The following ANKS1B variants were observed in gnomAD, a reference collection of about 807,000 sequenced individuals.
The protein encoded by ANKS1B is ankyrin repeat and sterile alpha motif domain-containing protein 1B.
ANKS1B carries 36 observed loss-of-function variants against 148.3 expected under a neutral mutation model. The ratio of observed to expected loss-of-function variants is 0.24; its 90% confidence interval spans 0.19 to 0.32. The LOEUF (loss-of-function observed/expected upper bound fraction) is 0.32. Among genes scored for constraint, ANKS1B ranks in the 10% least tolerant of loss-of-function variants. The probability of loss-of-function intolerance (pLI) is 1.00; values close to 1 mark genes in which losing one functional copy is unlikely to be tolerated. For missense variants in ANKS1B, 1,157 were observed against 1,542.6 expected, an observed-to-expected ratio of 0.75 and a Z score of 4.19; for synonymous variants, 542 against 560.8, an observed-to-expected ratio of 0.97 and a Z score of 0.47.
chr12:98,977,913 A>G (rs968660986), intron 17 of ANKS1B, among the ~76,000 whole-genome samples: 9 of 152,186 alleles, frequency 5.9e-5, no homozygotes, highest in African/African-American at 2.2e-4. Context: ...TATTCAATAT[A>G]CAGTTGTAAT....
chr12:99,258,439 A>G (rs906311498), intron 12 of ANKS1B, among the ~76,000 whole-genome samples: 1 of 151,942 alleles, frequency 6.6e-6, no homozygotes, highest in Non-Finnish European at 1.5e-5. Flanking sequence ...TAAAAAAAAA[A>G]GCATGCAAAA....
intron 9 of ANKS1B, among the ~76,000 whole-genome samples, chr12:99,587,184 G>T (rs2097651102): frequency 6.6e-6 from 1 of 152,118 alleles, no homozygotes; most frequent in South Asian, 2.1e-4. Context: ...AAAGGTTCCT[G>T]CCACATACAT....
rs1389296343 is a variant in ANKS1B, at chr12:99,984,766, G to T, written c.-529C>A. Reference sequence around the variant, plus strand: ...GGCGTCCGCGGCGGGGAGGAGCGCGGCGGCGGCGGCGGCGGCTCGTGCGCT... The same window carrying T: ...GGCGTCCGCGGCGGGGAGGAGCGCGTCGGCGGCGGCGGCGGCTCGTGCGCT... On this transcript the variant is annotated 5_prime_UTR_variant, in exon 1 of 27. Coordinates refer to ENST00000683438, the MANE Select transcript of ANKS1B (RefSeq NM_001352186.2). 2 of 148,314 alleles carry T rather than the reference G, an allele frequency of 1.3e-5. No individual in the cohort carries two copies. The highest frequency in any genetic ancestry group is 3.0e-5 in the Non-Finnish European group (2 of 66,714). 9.2% of individuals were successfully genotyped at this position (148,314 alleles called of 1,614,324 possible). A position where few individuals can be genotyped will look rare whatever the true frequency, so the allele number is the denominator to read the frequency against.
rs189301785 is a variant in ANKS1B at position 99,790,163 on chromosome 12, C to A, written c.670-8066G>T. Among the ~76,000 whole-genome samples, 376 of 152,228 alleles carry A rather than the reference C, an allele frequency of 2.5e-3. 1 individual carries two copies. Among genetic ancestry groups the A allele is most frequent in the Non-Finnish European group, 4.3e-3 (289 of 67,984 alleles). On this transcript the variant is annotated intron_variant, in intron 4 of 26. Coordinates refer to ENST00000683438, the MANE Select transcript of ANKS1B (RefSeq NM_001352186.2). ...TACAATGGAGCTCCAATATATCTGG[C>A]AGCAGACTTTTCAATGGAAATCTTA...
At position 99,568,341 on chromosome 12, in the gene ANKS1B, A is replaced by C. The variant is rs189985276; in HGVS notation, c.1273-63700T>G. Among the ~76,000 whole-genome samples, 6 of 152,268 alleles carry C rather than the reference A, an allele frequency of 3.9e-5. No individual in the cohort carries two copies. The East Asian group carries it at 1.2e-3, about 29-fold the overall frequency. ...ATTTCCACCTTCATCTTATTAGGAC[A>C]CTTGTGATTATACTCAGCCTACCTT... On this transcript the variant is annotated intron_variant, in intron 9 of 26. Transcript: ENST00000683438.
chr12:99,719,914 C>T (rs928813651), intron 8 of ANKS1B, among the ~76,000 whole-genome samples: 1 of 152,038 alleles, frequency 6.6e-6, no homozygotes, highest in African/African-American at 2.4e-5. Context: ...AGTTTTTCTC[C>T]TTCTCATCTG....
chr12:99,000,945 G>A (rs549563544), intron 17 of ANKS1B, among the ~76,000 whole-genome samples: 1 of 152,016 alleles, frequency 6.6e-6, no homozygotes, highest in South Asian at 2.1e-4. Context: ...CTTTTTAAAG[G>A]CTGAGGCTGA....
intron 4 of ANKS1B, among the ~76,000 whole-genome samples, chr12:99,792,717 T>A (rs1162638411): frequency 2.0e-5 from 3 of 151,952 alleles, no homozygotes; most frequent in Non-Finnish European, 4.4e-5. Context: ...AATCCATATA[T>A]GACAGACTCA....
chr12:99,234,413 C>T (rs530934782), intron 14 of ANKS1B, among the ~76,000 whole-genome samples: 1 of 152,218 alleles, frequency 6.6e-6, no homozygotes, highest in South Asian at 2.1e-4. Context: ...TTTATCATGA[C>T]CTGTATTCCA....
intron 1 of ANKS1B, 39 bp from the exon 2 acceptor site, chr12:99,825,428 C>T (rs758651185): frequency 2.1e-5 from 33 of 1,544,156 alleles, no homozygotes; most frequent in Middle Eastern, 1.7e-4. Context: ...ACAGTGAAGC[C>T]AGATCTTGCC....
At chr12:99,708,250 A>G (rs1003852607) in intron 8 of ANKS1B, among the ~76,000 whole-genome samples, 2 of 152,184 alleles carry the variant, frequency 1.3e-5, no homozygotes, top group African/African-American at 4.8e-5. Flanking sequence ...TCTCTCTTTA[A>G]TGACCCGATG....
At chr12:98,817,325 AG>A (rs1396613174) in intron 19 of ANKS1B, among the ~76,000 whole-genome samples, 1 of 152,274 alleles carries the variant, frequency 6.6e-6, no homozygotes, top group Admixed American at 6.5e-5. Context: ...GACCTGTCAA[AG>A]GATGGAGTCA....
At chr12:99,183,791 C>T (rs545609584) in intron 14 of ANKS1B, among the ~76,000 whole-genome samples, 7 of 152,254 alleles carry the variant, frequency 4.6e-5, no homozygotes, top group South Asian at 2.1e-4. Flanking sequence ...AAGGGTTATA[C>T]GGCATTGATG....
chr12:99,964,885 G>A (rs2095465983), intron 1 of ANKS1B, among the ~76,000 whole-genome samples: 1 of 152,184 alleles, frequency 6.6e-6, no homozygotes, highest in Non-Finnish European at 1.5e-5. Context: ...ATTAACAGAA[G>A]GGAGGGGACG....
intron 3 of ANKS1B, among the ~76,000 whole-genome samples, chr12:99,809,962 T>C (rs1016831689): frequency 6.6e-6 from 1 of 152,004 alleles, no homozygotes; most frequent in African/African-American, 2.4e-5. Flanking sequence ...TGTAACTCCA[T>C]ATATATAGTA....
At chr12:98,990,566 G>GAGAA (rs762384909) in intron 17 of ANKS1B, among the ~76,000 whole-genome samples, 8 of 116,986 alleles carry the variant, frequency 6.8e-5, no homozygotes, top group African/African-American at 2.2e-4. Flanking sequence ...GAGAGAGAGA[G>GAGAA]AAAAAAAAAA....
Position 99,487,728 on chromosome 12 carries a change from C to A in ANKS1B, c.1438+16748G>T, listed in dbSNP as rs558293956. 1.0e-3 allele frequency among the ~76,000 whole-genome samples: 154 copies of A among 151,910 alleles called. 1 individual carries two copies. The highest frequency in any genetic ancestry group is 6.8e-3 in the Middle Eastern group (2 of 292). ...TTATTTCTCTGATGTGTTGAAATTGCCACAATGACCTAATAAGTGGTCAAT... is the reference window on the plus strand; with the variant it reads ...TTATTTCTCTGATGTGTTGAAATTGACACAATGACCTAATAAGTGGTCAAT... On this transcript the variant is annotated intron_variant, in intron 10 of 26. Transcript: ENST00000683438.
chr12:99,719,031 C>G (rs936181726), intron 8 of ANKS1B, among the ~76,000 whole-genome samples: 14 of 152,200 alleles, frequency 9.2e-5, no homozygotes, highest in Non-Finnish European at 1.2e-4. Context: ...CCTTTCCTTC[C>G]TAGGCATGGT....
intron 1 of ANKS1B, among the ~76,000 whole-genome samples, chr12:99,884,469 T>C (rs562891042): frequency 3.3e-5 from 5 of 152,356 alleles, no homozygotes; most frequent in African/African-American, 1.2e-4. Flanking sequence ...ACAGTAGCTT[T>C]ATTCATAAAT....
Sources: allele counts gnomAD v4.1 joint callset (sites outside exome capture counted in the v4.1 genomes callset), GRCh38; gene constraint gnomAD v4.1.1; transcripts MANE v1.5; gene names NCBI Gene and HGNC (gene_info 2026-07-23, HGNC 2026-07-21).